Variants in WIPF3 observed in about 807,000 individuals in gnomAD.
The protein encoded by WIPF3 is WAS/WASL interacting protein family member 3, also known as WAS/WASL-interacting protein family member 3.
WIPF3 carries 33 observed loss-of-function variants against 38.9 expected under a neutral mutation model. That is an observed-to-expected ratio of 0.85 (90% CI 0.64 to 1.14). The LOEUF (loss-of-function observed/expected upper bound fraction) is 1.14, where lower values mean the gene tolerates loss of function less well. Among genes scored for constraint, WIPF3 ranks in the 50% most tolerant of loss-of-function variants. The pLI is 0.00. For synonymous variants in WIPF3, 324 were observed against 269.3 expected (o/e 1.20, Z -1.99); for missense variants, 711 against 652.5 (o/e 1.09, Z -0.98).
In WIPF3 at chr7:29,878,917, TG is replaced by T. The variant is rs1785659971; in HGVS notation, c.224-90del. 1.4e-6 allele frequency: 2 copies of T among 1,434,136 alleles called. No homozygotes were observed. The highest frequency in any genetic ancestry group is 1.9e-6 in the Non-Finnish European group (2 of 1,056,548). 88.8% of individuals were successfully genotyped at this position (1,434,136 alleles called of 1,614,324 possible). A position where few individuals can be genotyped will look rare whatever the true frequency, so the allele number is the denominator to read the frequency against. ...AGAATGGGAAGGCTGACAAGGGCAG[TG>T]GTAGACCAGTGTTAGACCATGGTCT... On this transcript the variant is annotated intron_variant, in intron 3 of 8. Coordinates refer to ENST00000242140, the MANE Select transcript of WIPF3 (RefSeq NM_001080529.3). This position sits in a 1 kb window ranked among gnomAD's most constrained non-coding sequence, Gnocchi z 4.0.
chr7:29,894,428 A>AATTAAG (rs1786089654), intron 7 of WIPF3, among the ~76,000 whole-genome samples: 1 of 152,234 alleles, frequency 6.6e-6, no homozygotes, highest in Non-Finnish European at 1.5e-5. Flanking sequence ...GCAATTTCAA[A>AATTAAG]ATTAAGATAC....
At chr7:29,817,223 A>T (rs990716474) in intron 1 of WIPF3, among the ~76,000 whole-genome samples, 2 of 152,158 alleles carry the variant, frequency 1.3e-5, no homozygotes, top group African/African-American at 2.4e-5. Flanking sequence ...AACACCTTAT[A>T]GAGAAGATAA....
chr7:29,807,658 A>T (rs1270817083), intron 1 of WIPF3, among the ~76,000 whole-genome samples: 3 of 152,152 alleles, frequency 2.0e-5, no homozygotes, highest in Non-Finnish European at 4.4e-5. Flanking sequence ...AGGCCAGGAG[A>T]GCGGTTCCAT....
chr7:29,847,772 G>T (rs1785025068), intron 2 of WIPF3, among the ~76,000 whole-genome samples: 1 of 152,162 alleles, frequency 6.6e-6, no homozygotes, highest in Non-Finnish European at 1.5e-5. Flanking sequence ...TACACTGAAG[G>T]CGGTGGGGAG....
intron 1 of WIPF3, among the ~76,000 whole-genome samples, chr7:29,813,195 C>G (rs569527166): frequency 1.3e-5 from 2 of 152,306 alleles, no homozygotes; most frequent in South Asian, 2.1e-4. Context: ...TGCCGTTACT[C>G]TGATTTAAAT....
chr7:29,837,838 T>G (rs1013029572), intron 2 of WIPF3, among the ~76,000 whole-genome samples: 1 of 152,238 alleles, frequency 6.6e-6, no homozygotes, highest in Non-Finnish European at 1.5e-5. Context: ...TACAGTTTAA[T>G]AAGAACAAAT....
At chr7:29,822,785 T>G (rs910029021) in intron 1 of WIPF3, among the ~76,000 whole-genome samples, 1 of 152,202 alleles carries the variant, frequency 6.6e-6, no homozygotes, top group Non-Finnish European at 1.5e-5. Context: ...AAAATTTTCT[T>G]TTTCTTTGTT....
chr7:29,814,249 T>A (rs560758030), intron 1 of WIPF3, among the ~76,000 whole-genome samples: 20 of 152,334 alleles, frequency 1.3e-4, no homozygotes, highest in African/African-American at 4.8e-4. Flanking sequence ...TGTGTTTTCT[T>A]GTATACCCTG....
At chr7:29,853,959 C>A (rs1785145745) in intron 2 of WIPF3, among the ~76,000 whole-genome samples, 1 of 152,194 alleles carries the variant, frequency 6.6e-6, no homozygotes, top group South Asian at 2.1e-4. Context: ...GCATTTATGT[C>A]TGATAGGGAT....
At chr7:29,873,148 A>G (rs1339353761) in intron 2 of WIPF3, among the ~76,000 whole-genome samples, 1 of 152,164 alleles carries the variant, frequency 6.6e-6, no homozygotes, top group East Asian at 1.9e-4. Flanking sequence ...AGTGGGGGAT[A>G]CCTTTTGGTA....
intron 2 of WIPF3, among the ~76,000 whole-genome samples, chr7:29,838,061 G>A (rs1348123172): frequency 9.2e-5 from 14 of 152,174 alleles, no homozygotes; most frequent in African/African-American, 2.9e-4. Context: ...TGGAACTACA[G>A]GTGCCCGCCA....
intron 1 of WIPF3, among the ~76,000 whole-genome samples, chr7:29,807,015 C>T (rs1227271205): frequency 4.6e-5 from 7 of 151,882 alleles, no homozygotes; most frequent in African/African-American, 1.4e-4. Context: ...GGTGAGCAGC[C>T]CCTGGCACCG....
At chr7:29,834,561 A>T in intron 1 of WIPF3, 107 bp from the exon 2 acceptor site, 1 of 988,886 alleles carries the variant, frequency 1.0e-6, no homozygotes, top group Non-Finnish European at 1.4e-6. Context: ...ATGAATGAAC[A>T]GGTGAAAGAA....
At chr7:29,824,771 G>C (rs971636637) in intron 1 of WIPF3, among the ~76,000 whole-genome samples, 1 of 152,046 alleles carries the variant, frequency 6.6e-6, no homozygotes, top group Non-Finnish European at 1.5e-5. Flanking sequence ...GTGATGTGCC[G>C]GCTGCCTCAG....
At chr7:29,882,569 C>T (rs549343218) in intron 4 of WIPF3, among the ~76,000 whole-genome samples, 2 of 152,162 alleles carry the variant, frequency 1.3e-5, no homozygotes, top group Non-Finnish European at 2.9e-5. Context: ...CCTGAGTCAC[C>T]TCTGCTAGGC....
chr7:29,807,314 G>T (rs1341290677), intron 1 of WIPF3, among the ~76,000 whole-genome samples: 1 of 152,182 alleles, frequency 6.6e-6, no homozygotes, highest in Non-Finnish European at 1.5e-5. Context: ...AAGCCCCTGG[G>T]GTCAGTAGTC....
At position 29,916,987 on chromosome 7, in the gene WIPF3, G is replaced by C. The variant is rs189500285; in HGVS notation, c.*2471G>C. On this transcript the variant is annotated 3_prime_UTR_variant, in exon 9 of 9. Coordinates refer to ENST00000242140, the MANE Select transcript of WIPF3 (RefSeq NM_001080529.3). ...GTCTGTGACTCCTCCAATGTTTCACGTGTATTTTATATTTATTGATGTCTC... is the reference window on the plus strand; with the variant it reads ...GTCTGTGACTCCTCCAATGTTTCACCTGTATTTTATATTTATTGATGTCTC... The C allele has an allele frequency of 6.6e-6, 1 of 152,142 alleles. No homozygotes were observed. Among genetic ancestry groups the C allele is most frequent in the Non-Finnish European group, 1.5e-5 (1 of 68,038 alleles). 9.4% of individuals were successfully genotyped at this position (152,142 alleles called of 1,614,324 possible). A position where few individuals can be genotyped will look rare whatever the true frequency, so the allele number is the denominator to read the frequency against.
intron 2 of WIPF3, among the ~76,000 whole-genome samples, chr7:29,867,309 G>A (rs544795921): frequency 6.6e-6 from 1 of 152,192 alleles, no homozygotes; most frequent in South Asian, 2.1e-4. Context: ...TTTCGAGCCT[G>A]GATGAATGGG....
intron 1 of WIPF3, among the ~76,000 whole-genome samples, chr7:29,831,212 A>C (rs1392864528): frequency 6.6e-6 from 1 of 152,230 alleles, no homozygotes; most frequent in African/African-American, 2.4e-5. Flanking sequence ...AGTATTCTTA[A>C]GCCCAAGAAG....
Sources: allele counts gnomAD v4.1 joint callset (sites outside exome capture counted in the v4.1 genomes callset), GRCh38; gene constraint gnomAD v4.1.1; non-coding constraint Gnocchi (gnomAD v3.1); transcripts MANE v1.5; gene names NCBI Gene and HGNC (gene_info 2026-07-23, HGNC 2026-07-21).